SMIM22: variants seen among roughly 807,000 people sequenced by gnomAD.
The protein encoded by SMIM22 is cancer associated small integral membrane open reading frame 1.
SMIM22 carries 16 observed loss-of-function variants against 8.4 expected under a neutral mutation model. The observed-to-expected ratio is 1.90, with a 90% CI of 1.29 to 2.89. The LOEUF is 2.89. Ranked by LOEUF, SMIM22 falls within the 30% of genes most tolerant of loss-of-function variation. The pLI, the probability that SMIM22 is intolerant of heterozygous loss-of-function variation, is 0.00. For missense variants in SMIM22, 159 were observed against 107.5 expected, an observed-to-expected ratio of 1.48 and a Z score of -2.12; for synonymous variants, 67 against 47.6, an observed-to-expected ratio of 1.41 and a Z score of -1.68.
rs938352864 is a variant in SMIM22, at chr16:4,796,296, T to A, written c.*65T>A. ...GTCTGCCCAGAGCCTGAGTCTGCAGTGTCTTCCAGTCCCCGTCTGGGTGGG... is the reference window on the plus strand; with the variant it reads ...GTCTGCCCAGAGCCTGAGTCTGCAGAGTCTTCCAGTCCCCGTCTGGGTGGG... On this transcript the variant is annotated 3_prime_UTR_variant, in exon 4 of 4. Coordinates refer to ENST00000586005, the MANE Select transcript of SMIM22 (RefSeq NM_001253794.2). The A allele has an allele frequency of 8.6e-6, 13 of 1,517,634 alleles. No homozygotes were observed. Among genetic ancestry groups the A allele is most frequent in the Non-Finnish European group, 1.1e-5 (13 of 1,134,290 alleles). 94.0% of individuals were successfully genotyped at this position (1,517,634 alleles called of 1,614,324 possible).
Position 4,795,395 on chromosome 16 carries a change from G to A in SMIM22, c.-75G>A. The A allele has an allele frequency of 3.5e-6, 1 of 283,220 alleles. No individual in the cohort carries two copies. Among genetic ancestry groups the A allele is most frequent in the Non-Finnish European group, 6.7e-6 (1 of 148,502 alleles). 17.5% of individuals were successfully genotyped at this position (283,220 alleles called of 1,614,324 possible). The stretch of plus-strand genomic sequence containing the variant: ...GGTGGTGTGGAGCCGGAAGCAGGAA[G>A]CAGCCTGTGCTCCCCAGGACCTGCC... On this transcript the variant is annotated 5_prime_UTR_variant, in exon 1 of 4. Transcript: ENST00000586005.
upstream of SMIM22, among the ~76,000 whole-genome samples, chr16:4,790,475 G>C (rs550265007): frequency 1.1e-3 from 171 of 152,264 alleles, no homozygotes; most frequent in Non-Finnish European, 1.8e-3. Context: ...CCTTCCTGGA[G>C]GCTTAACCTT....
chr16:4,796,136 C>T (rs75777873), intron 3 of SMIM22, 54 bp from the exon 4 acceptor site: 84,064 of 1,535,814 alleles, frequency 0.055, 2,455 homozygotes, highest in Middle Eastern at 0.066. Context: ...GGGTGCTCAT[C>T]CCCCTAGGGA....
At position 4,795,948 on chromosome 16, in the gene SMIM22, G is replaced by C. The variant is rs1240416849; in HGVS notation, c.125G>C (p.Gly42Ala). ...ACCTGGACGCCTGTCCTGTCCCCAG[G>C]CACCGTGCTGCTCCTGCTGCTGCTG... ...VAFIVFLTFM[G>A]TVLLLLLLVV... is the part of the protein sequence containing the mutation. The change falls in exon 3 of 4, where the codon GGC (glycine) becomes GCC (alanine). Residue 42 changes from glycine (G) to alanine (A), a missense_variant and splice_region_variant. Transcript: ENST00000586005. 1 of 1,512,006 alleles carries C rather than the reference G, an allele frequency of 6.6e-7. No homozygotes were observed. Among genetic ancestry groups the C allele is most frequent in the Non-Finnish European group, 8.8e-7 (1 of 1,134,778 alleles). The allele number at this position is 1,512,006 out of a possible 1,614,324, so 93.7% of individuals were successfully genotyped here.
chr16:4,794,475 C>A (rs1018201257), upstream of SMIM22, among the ~76,000 whole-genome samples: 2 of 150,298 alleles, frequency 1.3e-5, no homozygotes. Flanking sequence ...GGCTGGAGTG[C>A]AATGGCGTGA....
At chr16:4,794,621 C>T (rs1409855675), upstream of SMIM22, among the ~76,000 whole-genome samples, 3 of 152,062 alleles carry the variant, frequency 2.0e-5, no homozygotes, top group Admixed American at 6.5e-5. Flanking sequence ...GGTTTCTCCA[C>T]GTTGGTCAGT....
In SMIM22 at chr16:4,796,408, C is replaced by T. The variant is rs1324543836; in HGVS notation, c.*177C>T. 1.4e-6 allele frequency: 1 copy of T among 722,174 alleles called. No homozygotes were observed. Among genetic ancestry groups the T allele is most frequent in the Non-Finnish European group, 2.2e-6 (1 of 446,634 alleles). 44.7% of individuals were successfully genotyped at this position (722,174 alleles called of 1,614,324 possible). A position where few individuals can be genotyped will look rare whatever the true frequency, so the allele number is the denominator to read the frequency against. ...ACGACTGTGCCAGGTCATCCTCAGT[C>T]ACCTAGCTGGGAGGGGAGCTGGTCT... On this transcript the variant is annotated 3_prime_UTR_variant, in exon 4 of 4. Transcript: ENST00000586005.
chr16:4,792,667 T>C (rs2082570124), upstream of SMIM22, among the ~76,000 whole-genome samples: 1 of 148,444 alleles, frequency 6.7e-6, no homozygotes. Flanking sequence ...CTGGGTGTGG[T>C]GGTGCACGCT....
At chr16:4,794,286 T>C (rs1275917875), upstream of SMIM22, among the ~76,000 whole-genome samples, 1 of 151,940 alleles carries the variant, frequency 6.6e-6, no homozygotes, top group Non-Finnish European at 1.5e-5. Flanking sequence ...TTTTTGTATT[T>C]TTAGTAGAGA....
At chr16:4,793,034 G>A (rs534807857), upstream of SMIM22, among the ~76,000 whole-genome samples, 9 of 150,776 alleles carry the variant, frequency 6.0e-5, no homozygotes, top group Non-Finnish European at 1.0e-4. Context: ...GCTCGAACCC[G>A]GGAGGCGGAG....
In SMIM22 at chr16:4,796,443, C is replaced by G. The variant is rs139374328; in HGVS notation, c.*212C>G. 1.6e-6 allele frequency: 1 copy of G among 607,662 alleles called. No homozygotes were observed. The highest frequency in any genetic ancestry group is 3.0e-5 in the Admixed American group (1 of 33,220). 37.6% of individuals were successfully genotyped at this position (607,662 alleles called of 1,614,324 possible). A position where few individuals can be genotyped will look rare whatever the true frequency, so the allele number is the denominator to read the frequency against. On this transcript the variant is annotated 3_prime_UTR_variant, in exon 4 of 4. Transcript: ENST00000586005. ...GGAGGGGAGCTGGTCTCAGGCCGGG[C>G]GCGGTGGCTCACACCTATAATCCCA...
chr16:4,793,028 G>A (rs1446754077), upstream of SMIM22, among the ~76,000 whole-genome samples: 2 of 147,106 alleles, frequency 1.4e-5, no homozygotes, highest in African/African-American at 5.1e-5. Flanking sequence ...AGAATCGCTC[G>A]AACCCGGGAG....
chr16:4,793,836 GT>G (rs1373588172), upstream of SMIM22, among the ~76,000 whole-genome samples: 4 of 152,124 alleles, frequency 2.6e-5, no homozygotes, highest in African/African-American at 9.7e-5. Flanking sequence ...GAGTGCAGTG[GT>G]GCCATCTTGG....
At chr16:4,792,000 TAAC>T (rs1442158802), upstream of SMIM22, among the ~76,000 whole-genome samples, 2 of 151,176 alleles carry the variant, frequency 1.3e-5, no homozygotes, top group African/African-American at 4.9e-5. Flanking sequence ...CTTTGTCTTT[TAAC>T]AACTTGGTGG....
chr16:4,793,027 C>G (rs1399436799), upstream of SMIM22, among the ~76,000 whole-genome samples: 1 of 146,370 alleles, frequency 6.8e-6, no homozygotes, highest in East Asian at 2.1e-4. Context: ...GAGAATCGCT[C>G]GAACCCGGGA....
Position 4,796,289 on chromosome 16 carries a change from T to G in SMIM22, c.*58T>G. On this transcript the variant is annotated 3_prime_UTR_variant, in exon 4 of 4. Transcript: ENST00000586005. ...GCCTTCTGTCTGCCCAGAGCCTGAG[T>G]CTGCAGTGTCTTCCAGTCCCCGTCT... 1 of 1,524,330 alleles carries G rather than the reference T, an allele frequency of 6.6e-7. No homozygotes were observed. Among genetic ancestry groups the G allele is most frequent in the South Asian group, 1.2e-5 (1 of 82,906 alleles). 94.4% of individuals were successfully genotyped at this position (1,524,330 alleles called of 1,614,324 possible).
chr16:4,795,552 G>C lies in SMIM22; in HGVS notation c.-21+103G>C, dbSNP rs899759519. On this transcript the variant is annotated intron_variant, in intron 1 of 3. Coordinates refer to ENST00000586005, the MANE Select transcript of SMIM22 (RefSeq NM_001253794.2). ...GGTAAGGACCACAGGGCTGGGCAAG[G>C]AGAGAAGCTGGGCCTGGGGCCGAGG... 6 of 830,084 alleles carry C rather than the reference G, an allele frequency of 7.2e-6. No homozygotes were observed. In the African/African-American group the frequency reaches 1.0e-4, roughly 14 times the overall value. 51.4% of individuals were successfully genotyped at this position (830,084 alleles called of 1,614,324 possible).
At position 4,796,278 on chromosome 16, in the gene SMIM22, C is replaced by A; in HGVS notation, c.*47C>A. 1 of 1,531,388 alleles carries A rather than the reference C, an allele frequency of 6.5e-7. No homozygotes were observed. Among genetic ancestry groups the A allele is most frequent in the Non-Finnish European group, 8.7e-7 (1 of 1,144,070 alleles). The allele number at this position is 1,531,388 out of a possible 1,614,324, so 94.9% of individuals were successfully genotyped here. ...GCAGTAACAAAGCCTTCTGTCTGCC[C>A]AGAGCCTGAGTCTGCAGTGTCTTCC... On this transcript the variant is annotated 3_prime_UTR_variant, in exon 4 of 4. Coordinates refer to ENST00000586005, the MANE Select transcript of SMIM22 (RefSeq NM_001253794.2).
upstream of SMIM22, among the ~76,000 whole-genome samples, chr16:4,793,699 G>A (rs1200247843): frequency 1.3e-5 from 2 of 152,182 alleles, no homozygotes; most frequent in Non-Finnish European, 2.9e-5. Flanking sequence ...TATTGGACAT[G>A]TACAGACTTT....
Sources: gnomAD v4.1 joint callset for allele counts (sites outside exome capture counted in the v4.1 genomes callset) on GRCh38, gnomAD v4.1.1 for gene constraint, MANE v1.5 for transcripts, NCBI Gene and HGNC (gene_info 2026-07-23, HGNC 2026-07-21) for gene names.